Variants in PAK3 observed in about 807,000 individuals in gnomAD.
PAK3 encodes serine/threonine-protein kinase PAK 3.
PAK3 carries 4 observed loss-of-function variants against 41.0 expected under a neutral mutation model. That is an observed-to-expected ratio of 0.10 (90% CI 0.05 to 0.22). The LOEUF (loss-of-function observed/expected upper bound fraction) is 0.22. Ranked by LOEUF, PAK3 falls within the 10% of genes least tolerant of loss-of-function variation. The pLI is 1.00. For missense variants in PAK3, 205 were observed against 409.9 expected (o/e 0.50, Z 4.32); for synonymous variants, 146 against 139.6 (o/e 1.05, Z -0.32).
rs376199061 is a variant in PAK3, at chrX:111,167,311, G to C, written c.766+3584G>C. Among the ~76,000 whole-genome samples, 5 of 110,924 alleles carry C rather than the reference G, an allele frequency of 4.5e-5. No individual in the cohort carries two copies. In the East Asian group the frequency reaches 1.4e-3, roughly 32 times the overall value. The stretch of plus-strand genomic sequence containing the variant: ...GCTGAGAGGCAAAAGAGAGGAAAAA[G>C]GGAAACAGGCAGGCAGAAAGATGGC... On this transcript the variant is annotated intron_variant, in intron 10 of 17. Transcript: ENST00000372007.
At chrX:111,170,368 A>C (rs2094321999) in intron 10 of PAK3, among the ~76,000 whole-genome samples, 1 of 110,979 alleles carries the variant, frequency 9.0e-6, no homozygotes, top group Non-Finnish European at 1.9e-5. Flanking sequence ...TCATTAAAAA[A>C]AAAACCAACA....
chrX:111,086,866 CTG>C (rs776702533), intron 1 of PAK3, among the ~76,000 whole-genome samples: 1 of 111,847 alleles, frequency 8.9e-6, no homozygotes, highest in African/African-American at 3.2e-5. Flanking sequence ...TGGCTGGGGT[CTG>C]TGCTCTGAGC....
At chrX:110,952,688 G>T (rs765620844) in intron 1 of PAK3, among the ~76,000 whole-genome samples, 1 of 111,178 alleles carries the variant, frequency 9.0e-6, no homozygotes, top group Non-Finnish European at 1.9e-5. Context: ...TGGATTACTT[G>T]AACTATTGAC....
Position 111,220,509 on chromosome X carries a change from C to A in PAK3, c.*62C>A. 1.3e-6 allele frequency: 1 copy of A among 756,440 alleles called. No individual in the cohort carries two copies. The highest frequency in any genetic ancestry group is 2.0e-6 in the Non-Finnish European group (1 of 488,295). The allele number at this position is 756,440 out of a possible 1,213,427, so 62.3% of individuals were successfully genotyped here. A position where few individuals can be genotyped will look rare whatever the true frequency, so the allele number is the denominator to read the frequency against. The stretch of plus-strand genomic sequence containing the variant: ...GTAAGACTGAAATAAAACTCTGCTG[C>A]AGGAAAGATGGAAGAAAAGACAGTC... On this transcript the variant is annotated 3_prime_UTR_variant, in exon 18 of 18. Transcript: ENST00000372007.
intron 11 of PAK3, among the ~76,000 whole-genome samples, chrX:111,189,203 C>G (rs1484044885): frequency 9.0e-6 from 1 of 111,621 alleles, no homozygotes; most frequent in Non-Finnish European, 1.9e-5. Flanking sequence ...CATTAGATCC[C>G]TTAGAATAAT....
At chrX:111,116,999 C>T (rs1204888765) in intron 4 of PAK3, among the ~76,000 whole-genome samples, 2 of 111,627 alleles carry the variant, frequency 1.8e-5, no homozygotes, top group Admixed American at 1.9e-4. Context: ...CCTAGTGAGG[C>T]TCTCTGAAAC....
Position 111,192,691 on chromosome X carries a change from T to C in PAK3, c.992+73T>C, listed in dbSNP as rs760381811. 5.4e-4 allele frequency: 298 copies of C among 555,990 alleles called. 1 individual carries two copies. In the South Asian group the frequency reaches 7.4e-3, roughly 14 times the overall value. 45.8% of individuals were successfully genotyped at this position (555,990 alleles called of 1,213,427 possible). A position where few individuals can be genotyped will look rare whatever the true frequency, so the allele number is the denominator to read the frequency against. ...TTTTTTCTTGGCAAATTACTTTATTTGGGATTCGTTCATTTAACATTCTGC... is the reference window on the plus strand; with the variant it reads ...TTTTTTCTTGGCAAATTACTTTATTCGGGATTCGTTCATTTAACATTCTGC... On this transcript the variant is annotated intron_variant, in intron 13 of 17. Coordinates refer to ENST00000372007, the MANE Select transcript of PAK3 (RefSeq NM_002578.5).
intron 1 of PAK3, among the ~76,000 whole-genome samples, chrX:110,972,049 T>A (rs2091218711): frequency 9.0e-6 from 1 of 111,582 alleles, no homozygotes; most frequent in African/African-American, 3.3e-5. Flanking sequence ...TATGTAGGTA[T>A]GTATGTGTAT....
intron 4 of PAK3, among the ~76,000 whole-genome samples, chrX:111,105,890 C>G (rs2093249988): frequency 8.9e-6 from 1 of 111,922 alleles, no homozygotes; most frequent in Non-Finnish European, 1.9e-5. Flanking sequence ...ATCACTTACA[C>G]ACACAGGTAT....
chrX:110,980,194 G>C (rs1474768069), intron 1 of PAK3, among the ~76,000 whole-genome samples: 1 of 111,786 alleles, frequency 8.9e-6, no homozygotes, highest in East Asian at 2.8e-4. Flanking sequence ...CCTATGATGA[G>C]ATTACACACA....
rs576272139 is a variant in PAK3, at chrX:111,125,080, C to T, written c.175+1802C>T. Among the ~76,000 whole-genome samples, 18 of 111,746 alleles carry T rather than the reference C, an allele frequency of 1.6e-4. No homozygotes were observed. In the South Asian group the frequency reaches 6.4e-3, roughly 40 times the overall value. On this transcript the variant is annotated intron_variant, in intron 5 of 17. Coordinates refer to ENST00000372007, the MANE Select transcript of PAK3 (RefSeq NM_002578.5). ...TAATGTATAACTTTGTTCACAATCT[C>T]GCAAAGTTTCCACTGTCTGAAAATC...
At chrX:110,945,093 GC>G (rs1428060043) in intron 1 of PAK3, among the ~76,000 whole-genome samples, 2 of 112,239 alleles carry the variant, frequency 1.8e-5, no homozygotes, top group Non-Finnish European at 3.8e-5. Flanking sequence ...TGTGGGTCGG[GC>G]CGACTAGGGA....
intron 1 of PAK3, among the ~76,000 whole-genome samples, chrX:111,028,387 C>G (rs188123186): frequency 1.8e-5 from 2 of 109,962 alleles, no homozygotes; most frequent in African/African-American, 6.6e-5. Flanking sequence ...TCCCCAAAAA[C>G]GTATTGAAAT....
intron 1 of PAK3, among the ~76,000 whole-genome samples, chrX:110,992,692 C>T (rs1051602708): frequency 9.0e-6 from 1 of 111,115 alleles, no homozygotes; most frequent in East Asian, 2.9e-4. Context: ...CATTCCGCCT[C>T]GACTAAAACC....
At chrX:111,217,452 G>A (rs981279563) in intron 17 of PAK3, 20 of 849,222 alleles carry the variant, frequency 2.4e-5, no homozygotes, top group Admixed American at 3.1e-5. Flanking sequence ...TAAACAGAAG[G>A]TGCAACACTT....
In PAK3 at chrX:111,222,882, T is replaced by C. The variant is rs2094935151; in HGVS notation, c.*2435T>C. On this transcript the variant is annotated 3_prime_UTR_variant, in exon 18 of 18. Coordinates refer to ENST00000372007, the MANE Select transcript of PAK3 (RefSeq NM_002578.5). ...TTAACAATGAGGAGCCAGGTACTTC[T>C]TTACTACCACTTTGTACCAAGATTT... The C allele has an allele frequency of 9.0e-6, 1 of 111,533 alleles. No individual in the cohort carries two copies. The highest frequency in any genetic ancestry group is 3.3e-5 in the African/African-American group (1 of 30,700). The allele number at this position is 111,533 out of a possible 1,213,427, so 9.2% of individuals were successfully genotyped here. A position where few individuals can be genotyped will look rare whatever the true frequency, so the allele number is the denominator to read the frequency against.
chrX:111,108,799 A>G (rs898501500), intron 4 of PAK3, among the ~76,000 whole-genome samples: 2 of 112,445 alleles, frequency 1.8e-5, no homozygotes, highest in African/African-American at 6.5e-5. Flanking sequence ...ACCAAAGGCA[A>G]TTTATATAAT....
At position 111,163,627 on chromosome X, in the gene PAK3, A is replaced by G. The variant is rs202235746; in HGVS notation, c.666A>G (p.Pro222=). The G allele has an allele frequency of 8.4e-7, 1 of 1,190,406 alleles. No individual in the cohort carries two copies. Among genetic ancestry groups the G allele is most frequent in the Non-Finnish European group, 1.1e-6 (1 of 877,714 alleles). ...SPAVPNKEVT[P]PSAENANSST... is the part of the protein sequence containing the mutation. The stretch of plus-strand genomic sequence containing the variant: ...CAGTACCAAATAAAGAGGTCACACC[A>G]CCCTCTGCTGAAAATGCCAATTCCA... The change falls in exon 10 of 18, where the codon CCA becomes CCG. Residue 222 remains proline (P), a synonymous_variant. Coordinates refer to ENST00000372007, the MANE Select transcript of PAK3 (RefSeq NM_002578.5).
chrX:111,172,479 A>G (rs1035085256), intron 10 of PAK3, among the ~76,000 whole-genome samples: 1 of 111,295 alleles, frequency 9.0e-6, no homozygotes, highest in African/African-American at 3.3e-5. Flanking sequence ...CCCAATAGGT[A>G]GTTCTTCAGC....
Sources: gnomAD v4.1 joint callset for allele counts (sites outside exome capture counted in the v4.1 genomes callset) on GRCh38, gnomAD v4.1.1 for gene constraint, MANE v1.5 for transcripts, NCBI Gene and HGNC (gene_info 2026-07-23, HGNC 2026-07-21) for gene names.